The following SMARCC1 variants were observed in gnomAD, a reference collection of about 807,000 sequenced individuals.
SMARCC1 encodes the protein SWI/SNF complex subunit SMARCC1.
In SMARCC1, 43 loss-of-function variants were observed where a neutral mutation model predicts 147.4. The ratio of observed to expected loss-of-function variants is 0.29; its 90% CI spans 0.23 to 0.38. The LOEUF (loss-of-function observed/expected upper bound fraction) is 0.38. Among genes scored for constraint, SMARCC1 ranks in the 10% least tolerant of loss-of-function variants. The pLI, the probability that SMARCC1 is intolerant of heterozygous loss-of-function variation, is 1.00. For synonymous variants in SMARCC1, 495 were observed against 484.4 expected (o/e 1.02, Z -0.29); for missense variants, 1,119 against 1,381.1 (o/e 0.81, Z 3.01).
chr3:47,643,917 C>T (rs983709658), intron 21 of SMARCC1, among the ~76,000 whole-genome samples: 22 of 152,114 alleles, frequency 1.4e-4, no homozygotes, highest in African/African-American at 5.1e-4. Flanking sequence ...ATGCAAGGCA[C>T]GGGAAGCTCA....
In SMARCC1 at chr3:47,587,957, A is replaced by G; in HGVS notation, c.*252T>C. On this transcript the variant is annotated 3_prime_UTR_variant, in exon 28 of 28. Transcript: ENST00000254480. ...GCTTACTCCCACACCAGGACAGGGG[A>G]GATGCAGGTTATTTTAAGGATGACC... 2.0e-6 allele frequency: 1 copy of G among 497,888 alleles called. No homozygotes were observed. The highest frequency in any genetic ancestry group is 3.6e-6 in the Non-Finnish European group (1 of 280,934). The allele number at this position is 497,888 out of a possible 1,614,324, so 30.8% of individuals were successfully genotyped here.
chr3:47,680,226 A>C, intron 15 of SMARCC1: 1 of 463,334 alleles, frequency 2.2e-6, no homozygotes, highest in Non-Finnish European at 3.8e-6. Flanking sequence ...TGTCTCAAAC[A>C]AACACCAAAA....
chr3:47,741,753 A>G (rs984036887), intron 3 of SMARCC1, among the ~76,000 whole-genome samples: 1 of 151,734 alleles, frequency 6.6e-6, no homozygotes, highest in African/African-American at 2.4e-5. Flanking sequence ...TTTTACTATT[A>G]TTTTAAAAAA....
intron 26 of SMARCC1, among the ~76,000 whole-genome samples, chr3:47,605,930 C>G (rs910097182): frequency 5.3e-5 from 8 of 151,680 alleles, no homozygotes; most frequent in Non-Finnish European, 1.2e-4. Flanking sequence ...ATGAGGGCCT[C>G]TGTGTGTTGG....
At chr3:47,716,153 C>A (rs374145204) in intron 7 of SMARCC1, among the ~76,000 whole-genome samples, 1 of 151,734 alleles carries the variant, frequency 6.6e-6, no homozygotes, top group South Asian at 2.1e-4. Context: ...CAGTGACTCA[C>A]GCCTGTAATT....
intron 25 of SMARCC1, among the ~76,000 whole-genome samples, chr3:47,620,859 A>G (rs556166990): frequency 7.2e-5 from 11 of 152,366 alleles, no homozygotes; most frequent in Middle Eastern, 3.4e-3. Context: ...CAGGGAATCA[A>G]GAAAATCTCT....
chr3:47,772,552 G>A (rs1356045211), intron 2 of SMARCC1, among the ~76,000 whole-genome samples: 4 of 152,136 alleles, frequency 2.6e-5, no homozygotes, highest in African/African-American at 7.2e-5. Flanking sequence ...TCGGTACGGC[G>A]AGAGGATAGG....
intron 3 of SMARCC1, among the ~76,000 whole-genome samples, chr3:47,743,731 T>C (rs1339562643): frequency 6.6e-6 from 1 of 151,070 alleles, no homozygotes; most frequent in African/African-American, 2.4e-5. Flanking sequence ...GAGAACTGCT[T>C]GAACCTGGGA....
At chr3:47,706,166 A>T (rs1381672791) in intron 10 of SMARCC1, among the ~76,000 whole-genome samples, 1 of 151,890 alleles carries the variant, frequency 6.6e-6, no homozygotes, top group Non-Finnish European at 1.5e-5. Flanking sequence ...AAAAAAAAAA[A>T]TTCCAAGTGA....
At chr3:47,717,811 C>A (rs2034175875) in intron 7 of SMARCC1, among the ~76,000 whole-genome samples, 1 of 152,082 alleles carries the variant, frequency 6.6e-6, no homozygotes, top group African/African-American at 2.4e-5. Context: ...AAGTGATCCA[C>A]CCACCTCAGC....
In SMARCC1 at chr3:47,740,256, G is replaced by A. The variant is rs147055490; in HGVS notation, c.402-2146C>T. ...TGTCGTCCAGACTGGAGTGCAATGG[G>A]GCGATCTCAGCTTACTGCAACCTCC... On this transcript the variant is annotated intron_variant, in intron 3 of 27. Coordinates refer to ENST00000254480, the MANE Select transcript of SMARCC1 (RefSeq NM_003074.4). Among the ~76,000 whole-genome samples the A allele has an allele frequency of 4.6e-5, 6 of 130,084 alleles. 1 individual carries two copies. The highest frequency in any genetic ancestry group is 1.8e-4 in the African/African-American group (6 of 34,206). The allele number at this position is 130,084 out of a possible 152,430, so 85.3% of individuals were successfully genotyped here. A position where few individuals can be genotyped will look rare whatever the true frequency, so the allele number is the denominator to read the frequency against.
At chr3:47,698,454 G>A (rs1272304721) in intron 11 of SMARCC1, among the ~76,000 whole-genome samples, 3 of 152,002 alleles carry the variant, frequency 2.0e-5, no homozygotes, top group Admixed American at 6.6e-5. Flanking sequence ...ATAATTGGAG[G>A]TTTGTGTAAT....
At chr3:47,607,920 T>C (rs1011056751) in intron 26 of SMARCC1, among the ~76,000 whole-genome samples, 1 of 152,108 alleles carries the variant, frequency 6.6e-6, no homozygotes, top group African/African-American at 2.4e-5. Context: ...TATGATAGAC[T>C]GAAACACACA....
chr3:47,685,524 A>C, intron 14 of SMARCC1, among the ~76,000 whole-genome samples: 1 of 151,916 alleles, frequency 6.6e-6, no homozygotes, highest in East Asian at 1.9e-4. Context: ...ATTACAACAA[A>C]ATCTAGTTTC....
At chr3:47,622,984 T>G (rs1254642815) in intron 24 of SMARCC1, among the ~76,000 whole-genome samples, 2 of 152,120 alleles carry the variant, frequency 1.3e-5, no homozygotes, top group African/African-American at 4.8e-5. Context: ...ATTACTTATA[T>G]CTGCTTAAGA....
intron 11 of SMARCC1, 108 bp downstream of exon 11, chr3:47,701,170 T>C (rs1053732056): frequency 7.2e-6 from 6 of 832,498 alleles, no homozygotes; most frequent in African/African-American, 5.2e-5. Flanking sequence ...AATCTATTCA[T>C]ACTTGAAAGT....
At chr3:47,594,668 TGTGA>T (rs2032242065) in intron 26 of SMARCC1, among the ~76,000 whole-genome samples, 1 of 152,140 alleles carries the variant, frequency 6.6e-6, no homozygotes. Context: ...AATAAAAATT[TGTGA>T]GTAACTTGGA....
Position 47,587,936 on chromosome 3 carries a change from A to T in SMARCC1, c.*273T>A, listed in dbSNP as rs369081989. On this transcript the variant is annotated 3_prime_UTR_variant, in exon 28 of 28. Coordinates refer to ENST00000254480, the MANE Select transcript of SMARCC1 (RefSeq NM_003074.4). ...GGACCTGCAGAGAAACTGTCAGCTT[A>T]CTCCCACACCAGGACAGGGGAGATG... 4.6e-6 allele frequency: 2 copies of T among 436,784 alleles called. No individual in the cohort carries two copies. The highest frequency in any genetic ancestry group is 8.1e-6 in the Non-Finnish European group (2 of 245,436). The allele number at this position is 436,784 out of a possible 1,614,324, so 27.1% of individuals were successfully genotyped here. A position where few individuals can be genotyped will look rare whatever the true frequency, so the allele number is the denominator to read the frequency against.
At chr3:47,734,750 C>T (rs2034419914) in intron 5 of SMARCC1, among the ~76,000 whole-genome samples, 1 of 152,148 alleles carries the variant, frequency 6.6e-6, no homozygotes, top group African/African-American at 2.4e-5. Context: ...TGTATCAAGA[C>T]AAAGCAAGCT....
Sources: allele counts gnomAD v4.1 joint callset (sites outside exome capture counted in the v4.1 genomes callset), GRCh38; gene constraint gnomAD v4.1.1; transcripts MANE v1.5; gene names NCBI Gene and HGNC (gene_info 2026-07-23, HGNC 2026-07-21).